The following IFT25 variants were observed in gnomAD, a reference collection of about 807,000 sequenced individuals.
IFT25 encodes intraflagellar transport 25, also known as intraflagellar transport protein 25 homolog.
At chr1:53,923,879 A>C in the IFT25 span, 1 of 1,419,686 alleles carries the variant, frequency 7.0e-7, no homozygotes, top group Non-Finnish European at 1.0e-6. Flanking sequence ...GTTAATTTTT[A>C]ATTCTATAAA....
chr1:53,945,992 G>C, the IFT25 span: 1 of 143,322 alleles, frequency 7.0e-6, no homozygotes, highest in African/African-American at 2.6e-5. Flanking sequence ...CCCTCGCGGC[G>C]GCCTCGGCCC....
At chr1:53,932,696 C>G in the IFT25 span, among the ~76,000 whole-genome samples, 2 of 152,174 alleles carry the variant, frequency 1.3e-5, no homozygotes, top group Non-Finnish European at 1.5e-5. Context: ...CCAAAAGGAG[C>G]TGGGACTACA....
chr1:53,940,840 G>C, the IFT25 span, among the ~76,000 whole-genome samples: 2,700 of 152,070 alleles, frequency 0.018, 88 homozygotes, highest in African/African-American at 0.062. Context: ...CTCCCAAGTA[G>C]CTGAGACTAC....
At chr1:53,941,003 C>CT in the IFT25 span, among the ~76,000 whole-genome samples, 1 of 151,236 alleles carries the variant, frequency 6.6e-6, no homozygotes, top group South Asian at 2.1e-4. Context: ...CACAGGCTAT[C>CT]TTTTTTTTGA....
the IFT25 span, among the ~76,000 whole-genome samples, chr1:53,941,587 A>G: frequency 3.3e-5 from 5 of 152,218 alleles, no homozygotes; most frequent in Admixed American, 3.3e-4. Context: ...CACTATTGAT[A>G]CCAGAGAACC....
At chr1:53,926,323 T>C in the IFT25 span, among the ~76,000 whole-genome samples, 1 of 152,044 alleles carries the variant, frequency 6.6e-6, no homozygotes, top group Non-Finnish European at 1.5e-5. Flanking sequence ...TATATATGTA[T>C]ATTTTTTGTA....
chr1:53,927,187 G>A, the IFT25 span, among the ~76,000 whole-genome samples: 3 of 149,802 alleles, frequency 2.0e-5, no homozygotes, highest in Non-Finnish European at 4.4e-5. Context: ...TGTTACTTGT[G>A]GATCATTTGA....
the IFT25 span, among the ~76,000 whole-genome samples, chr1:53,941,679 T>C: frequency 6.6e-6 from 1 of 152,234 alleles, no homozygotes; most frequent in African/African-American, 2.4e-5. Context: ...ATTGATAAAC[T>C]TGAATGCTAA....
At chr1:53,928,535 G>T in the IFT25 span, 2 of 849,106 alleles carry the variant, frequency 2.4e-6, no homozygotes, top group African/African-American at 1.7e-5. Context: ...ATCATGCACA[G>T]TGGAACTACA....
At chr1:53,930,849 A>G in the IFT25 span, among the ~76,000 whole-genome samples, 2 of 152,216 alleles carry the variant, frequency 1.3e-5, no homozygotes, top group Non-Finnish European at 2.9e-5. Flanking sequence ...AAATTAAAAC[A>G]TGCACTCAAT....
chr1:53,935,780 G>T, the IFT25 span, among the ~76,000 whole-genome samples: 6 of 151,972 alleles, frequency 3.9e-5, no homozygotes, highest in Admixed American at 1.3e-4. Flanking sequence ...GCCAAGGCCA[G>T]CTCTCCTAAC....
At chr1:53,923,350 C>T in the IFT25 span, among the ~76,000 whole-genome samples, 1 of 152,162 alleles carries the variant, frequency 6.6e-6, no homozygotes, top group Non-Finnish European at 1.5e-5. Flanking sequence ...TGACCAACTA[C>T]CAGGAATAGC....
At chr1:53,940,072 A>G in the IFT25 span, 1,935 of 1,599,204 alleles carry the variant, frequency 1.2e-3, 4 homozygotes, top group Non-Finnish European at 1.5e-3. Flanking sequence ...ACAGAGATCA[A>G]TTTTTCTCAT....
the IFT25 span, among the ~76,000 whole-genome samples, chr1:53,924,101 T>C: frequency 3.3e-5 from 5 of 151,708 alleles, no homozygotes; most frequent in Admixed American, 1.3e-4. Flanking sequence ...AATTTAAAAA[T>C]AGAGGTATAT....
At chr1:53,926,192 T>C in the IFT25 span, among the ~76,000 whole-genome samples, 2 of 152,246 alleles carry the variant, frequency 1.3e-5, no homozygotes, top group African/African-American at 4.8e-5. Context: ...GTCGCCTAGA[T>C]TGGAGTGTAC....
At chr1:53,933,408 G>A in the IFT25 span, among the ~76,000 whole-genome samples, 2,269 of 152,034 alleles carry the variant, frequency 0.015, 69 homozygotes, top group African/African-American at 0.051. Flanking sequence ...TGCTGGGATT[G>A]CAGGCGTGAG....
chr1:53,916,684 C>G, the IFT25 span: 42,631 of 316,354 alleles, frequency 0.13, 3,692 homozygotes, highest in Non-Finnish European at 0.18. Context: ...AGCCTGTGAT[C>G]TAGCCGTAAT....
chr1:53,935,572 G>GT, the IFT25 span, among the ~76,000 whole-genome samples: 1 of 151,624 alleles, frequency 6.6e-6, no homozygotes, highest in Non-Finnish European at 1.5e-5. Context: ...GAATTGTATG[G>GT]TATGTGAATA....
chr1:53,945,557 G>C, the IFT25 span: 2 of 153,126 alleles, frequency 1.3e-5, no homozygotes, highest in Non-Finnish European at 2.9e-5. Flanking sequence ...CCGCTCACCT[G>C]GGACTCCCGT....
Sources: allele counts gnomAD v4.1 joint callset (sites outside exome capture counted in the v4.1 genomes callset), GRCh38; gene constraint gnomAD v4.1.1; transcripts MANE v1.5; gene names NCBI Gene and HGNC (gene_info 2026-07-23, HGNC 2026-07-21).